Variants in C10orf90 observed in about 807,000 individuals in gnomAD.
The protein encoded by C10orf90 is chromosome 10 open reading frame 90.
In C10orf90, 56 loss-of-function variants were observed where a neutral mutation model predicts 62.5. The observed-to-expected ratio is 0.90, with a 90% CI of 0.72 to 1.12. The LOEUF is 1.12. Ranked by LOEUF, C10orf90 falls within the 50% of genes most tolerant of loss-of-function variation. The pLI, the probability that C10orf90 is intolerant of heterozygous loss-of-function variation, is 0.00. For missense variants in C10orf90, 970 were observed against 880.4 expected (o/e 1.10, Z -1.29); for synonymous variants, 386 against 340.4 (o/e 1.13, Z -1.47).
chr10:126,471,311 C>A (rs910840261), intron 4 of C10orf90, among the ~76,000 whole-genome samples: 1 of 152,178 alleles, frequency 6.6e-6, no homozygotes, highest in Non-Finnish European at 1.5e-5. Flanking sequence ...GGCCTTTCCT[C>A]GCCAGAAAAC....
At chr10:126,466,913 T>C (rs1443165924) in intron 4 of C10orf90, among the ~76,000 whole-genome samples, 1 of 152,258 alleles carries the variant, frequency 6.6e-6, no homozygotes, top group Non-Finnish European at 1.5e-5. Flanking sequence ...ACATTGGTTC[T>C]GTTTAAGTAC....
chr10:126,646,486 T>C (rs1846173871), intron 2 of C10orf90, 79 bp downstream of exon 2: 1 of 308,636 alleles, frequency 3.2e-6, no homozygotes, highest in Non-Finnish European at 6.4e-6. Context: ...CCATTATTAA[T>C]AAAAATAAAA....
intron 7 of C10orf90, among the ~76,000 whole-genome samples, chr10:126,439,325 A>G (rs142630625): frequency 1.3e-3 from 192 of 152,312 alleles, no homozygotes; most frequent in African/African-American, 4.2e-3. Flanking sequence ...TTTTCCCCCA[A>G]TGAAACCAGT....
intron 2 of C10orf90, chr10:126,520,751 C>A (rs764510586): frequency 1.6e-4 from 24 of 152,432 alleles, no homozygotes; most frequent in Non-Finnish European, 3.4e-4. Context: ...AGGGGAGGAC[C>A]CTTCCTTGCC....
intron 4 of C10orf90, among the ~76,000 whole-genome samples, chr10:126,478,371 A>G (rs780684786): frequency 1.1e-4 from 17 of 152,366 alleles, no homozygotes; most frequent in Admixed American, 2.0e-4. Flanking sequence ...AAATGGGACC[A>G]CTGGAAAATG....
At chr10:126,599,414 A>T (rs1245164786) in intron 2 of C10orf90, among the ~76,000 whole-genome samples, 1 of 150,602 alleles carries the variant, frequency 6.6e-6, no homozygotes. Context: ...GTTAGCCAGG[A>T]TGGTCTCAAT....
chr10:126,435,662 CATATCT>C (rs1375820302), intron 7 of C10orf90, among the ~76,000 whole-genome samples: 1 of 152,152 alleles, frequency 6.6e-6, no homozygotes, highest in African/African-American at 2.4e-5. Flanking sequence ...CCAAGTCAAC[CATATCT>C]ATGAAAAACA....
intron 2 of C10orf90, among the ~76,000 whole-genome samples, chr10:126,564,523 C>T (rs968933570): frequency 1.3e-5 from 2 of 151,554 alleles, no homozygotes; most frequent in Non-Finnish European, 2.9e-5. Context: ...TGTGTCCTGG[C>T]GCCCACCCAG....
At chr10:126,558,067 A>G (rs994923611) in intron 2 of C10orf90, among the ~76,000 whole-genome samples, 1 of 152,136 alleles carries the variant, frequency 6.6e-6, no homozygotes, top group Non-Finnish European at 1.5e-5. Context: ...GCCTCACAGC[A>G]GGAGCCCACC....
chr10:126,536,987 C>T (rs11812763), intron 2 of C10orf90, among the ~76,000 whole-genome samples: 4 of 152,284 alleles, frequency 2.6e-5, no homozygotes, highest in Admixed American at 2.6e-4. Flanking sequence ...GGGTTTGGTG[C>T]TTATCTTCTT....
rs1863271705 is a variant in C10orf90 at position 126,513,765 on chromosome 10, T to C, written c.405+83A>G. On this transcript the variant is annotated intron_variant, in intron 3 of 9. Coordinates refer to ENST00000488181, the MANE Select transcript of C10orf90 (RefSeq NM_001350921.2). ...TTTGACTAAATAAAATAAAATGCAA[T>C]CACATCACAAGTAGGTCAGTGATTA... is the stretch of plus-strand genomic sequence containing the variant. The C allele has an allele frequency of 3.7e-6, 3 of 805,732 alleles. No individual in the cohort carries two copies. The African/African-American group carries it at 5.2e-5, about 14-fold the overall frequency. 49.9% of individuals were successfully genotyped at this position (805,732 alleles called of 1,614,324 possible). A position where few individuals can be genotyped will look rare whatever the true frequency, so the allele number is the denominator to read the frequency against.
intron 2 of C10orf90, among the ~76,000 whole-genome samples, chr10:126,584,418 C>T (rs11245055): frequency 0.12 from 17,777 of 151,880 alleles, 1,058 homozygotes; most frequent in Admixed American, 0.13. Flanking sequence ...TCCACCTGTC[C>T]ACCTTCCATC....
intron 8 of C10orf90, among the ~76,000 whole-genome samples, chr10:126,426,765 T>C (rs1371710972): frequency 2.0e-5 from 3 of 152,160 alleles, no homozygotes; most frequent in African/African-American, 7.2e-5. Flanking sequence ...GCTGTACGTG[T>C]GGCACTCAGC....
intron 2 of C10orf90, among the ~76,000 whole-genome samples, chr10:126,565,974 A>G (rs1352490409): frequency 6.6e-6 from 1 of 152,226 alleles, no homozygotes; most frequent in Non-Finnish European, 1.5e-5. Context: ...TTCACAAAGA[A>G]GATCATTTTC....
intron 2 of C10orf90, among the ~76,000 whole-genome samples, chr10:126,610,907 G>A (rs939210799): frequency 1.3e-5 from 2 of 152,072 alleles, no homozygotes; most frequent in African/African-American, 4.8e-5. Context: ...AACTGGAGGT[G>A]GGGTGGGAGT....
intron 2 of C10orf90, among the ~76,000 whole-genome samples, chr10:126,549,505 T>A (rs1022012117): frequency 2.1e-4 from 32 of 152,252 alleles, no homozygotes; most frequent in African/African-American, 7.7e-4. Flanking sequence ...TAAAAAATAG[T>A]GACAACACCA....
intron 7 of C10orf90, among the ~76,000 whole-genome samples, chr10:126,447,134 C>A (rs773600024): frequency 6.6e-6 from 1 of 151,754 alleles, no homozygotes; most frequent in Non-Finnish European, 1.5e-5. Flanking sequence ...AAAAAACACA[C>A]CAGAAAACAA....
intron 7 of C10orf90, among the ~76,000 whole-genome samples, chr10:126,446,996 A>G (rs1244098736): frequency 6.6e-6 from 1 of 152,168 alleles, no homozygotes; most frequent in African/African-American, 2.4e-5. Flanking sequence ...CCTAATAGTA[A>G]CCACAGTGTA....
At chr10:126,556,035 A>C (rs1864763363) in intron 2 of C10orf90, among the ~76,000 whole-genome samples, 1 of 152,246 alleles carries the variant, frequency 6.6e-6, no homozygotes, top group Non-Finnish European at 1.5e-5. Flanking sequence ...CACGTTAACC[A>C]AAATTGGTGA....
Sources: allele counts gnomAD v4.1 joint callset (sites outside exome capture counted in the v4.1 genomes callset), GRCh38; gene constraint gnomAD v4.1.1; transcripts MANE v1.5; gene names NCBI Gene and HGNC (gene_info 2026-07-23, HGNC 2026-07-21).